The following ASB3 variants were observed in gnomAD, a reference collection of about 807,000 sequenced individuals.
ASB3 encodes the protein ankyrin repeat and SOCS box containing 3, also known as ankyrin repeat and SOCS box protein 3.
ASB3 carries 41 observed loss-of-function variants against 54.5 expected under a neutral mutation model. That is an observed-to-expected ratio of 0.75 (90% CI 0.59 to 0.98). The LOEUF (loss-of-function observed/expected upper bound fraction) is 0.98. ASB3 is among the 50% of genes least tolerant of loss of function. ASB3 has a pLI of 0.00. For missense variants in ASB3, 733 were observed against 620.0 expected (o/e 1.18, Z -1.94); for synonymous variants, 266 against 221.2 (o/e 1.20, Z -1.80).
chr2:53,737,711 C>T (rs1036694078), intron 3 of ASB3, among the ~76,000 whole-genome samples: 2 of 121,844 alleles, frequency 1.6e-5, no homozygotes, highest in Non-Finnish European at 3.3e-5. Context: ...TTGTCCAGGA[C>T]GTTTTAAAAA....
intron 2 of ASB3, among the ~76,000 whole-genome samples, chr2:53,763,950 A>G (rs887597571): frequency 7.2e-5 from 11 of 152,252 alleles, no homozygotes; most frequent in African/African-American, 2.7e-4. Flanking sequence ...TGATTTTAAA[A>G]ACAATCATGA....
Position 53,776,468 on chromosome 2 carries a change from C to T in ASB3, c.-14+10353G>A, listed in dbSNP as rs1021748821. Among the ~76,000 whole-genome samples the T allele has an allele frequency of 7.9e-5, 12 of 152,192 alleles. No individual in the cohort carries two copies. In the East Asian group the frequency reaches 2.1e-3, roughly 27 times the overall value. On this transcript the variant is annotated intron_variant, in intron 1 of 9. Coordinates refer to ENST00000263634, the MANE Select transcript of ASB3 (RefSeq NM_016115.5). ...TCAGCAAAAATACTGACTGTATTGT[C>T]TATTAATTTATTCAGCTTTTGGCAA...
At chr2:53,705,226 A>G (rs1669704694) in intron 7 of ASB3, among the ~76,000 whole-genome samples, 1 of 152,214 alleles carries the variant, frequency 6.6e-6, no homozygotes, top group African/African-American at 2.4e-5. Flanking sequence ...GCATTTTCCA[A>G]TGACTACTTA....
At chr2:53,735,998 T>TAAAAAAAAAAAAAAAAAAA (rs201138986) in intron 3 of ASB3, among the ~76,000 whole-genome samples, 3 of 96,236 alleles carry the variant, frequency 3.1e-5, no homozygotes, top group African/African-American at 3.6e-5. Context: ...ACAAACCTTC[T>TAAAAAAAAAAAAAAAAAAA]AAAAAAAAAA....
chr2:53,757,553 A>G (rs1672904394), intron 2 of ASB3, among the ~76,000 whole-genome samples: 1 of 152,304 alleles, frequency 6.6e-6, no homozygotes, highest in East Asian at 1.9e-4. Context: ...TTACTTCTGA[A>G]TCTACTTCCT....
intron 7 of ASB3, among the ~76,000 whole-genome samples, chr2:53,703,328 G>T (rs1669594241): frequency 6.6e-6 from 1 of 152,216 alleles, no homozygotes; most frequent in Admixed American, 6.5e-5. Context: ...TACAGTAGTG[G>T]AGGAGACACC....
At chr2:53,709,440 T>G (rs17520680) in intron 7 of ASB3, among the ~76,000 whole-genome samples, 16,565 of 152,214 alleles carry the variant, frequency 0.11, 1,093 homozygotes, top group Non-Finnish European at 0.15. Context: ...TTCTTTGCAT[T>G]GGTCTTGCCT....
chr2:53,737,496 A>G (rs1671706312), intron 3 of ASB3, among the ~76,000 whole-genome samples: 1 of 152,156 alleles, frequency 6.6e-6, no homozygotes, highest in Non-Finnish European at 1.5e-5. Context: ...CACATGTACA[A>G]GGTAAGGCAA....
At chr2:53,729,340 C>T (rs941658987) in intron 4 of ASB3, 118 bp downstream of exon 4, 3 of 921,460 alleles carry the variant, frequency 3.3e-6, no homozygotes, top group Non-Finnish European at 4.9e-6. Context: ...CTTTTCTGTA[C>T]TGCACTAACC....
intron 7 of ASB3, among the ~76,000 whole-genome samples, chr2:53,707,865 C>T (rs556408640): frequency 9.4e-5 from 14 of 148,938 alleles, no homozygotes; most frequent in Non-Finnish European, 1.8e-4. Context: ...AGGAGGCTGA[C>T]GCACGAGAAT....
At chr2:53,771,756 G>A (rs1673928247) in intron 1 of ASB3, 1 of 661,130 alleles carries the variant, frequency 1.5e-6, no homozygotes, top group African/African-American at 1.8e-5. Context: ...ATTCACTTAA[G>A]CTTTATCATA....
At chr2:53,686,139 C>T (rs1317707724) in intron 9 of ASB3, among the ~76,000 whole-genome samples, 1 of 152,206 alleles carries the variant, frequency 6.6e-6, no homozygotes, top group Non-Finnish European at 1.5e-5. Flanking sequence ...TGAAGTGCTA[C>T]TCTCTATAGC....
At chr2:53,711,025 G>C (rs1670066147) in intron 7 of ASB3, among the ~76,000 whole-genome samples, 1 of 152,084 alleles carries the variant, frequency 6.6e-6, no homozygotes, top group South Asian at 2.1e-4. Flanking sequence ...AGCTACTCAA[G>C]AGGCTGAGGC....
At chr2:53,763,913 A>G (rs1558567558) in intron 2 of ASB3, among the ~76,000 whole-genome samples, 1 of 152,242 alleles carries the variant, frequency 6.6e-6, no homozygotes, top group Non-Finnish European at 1.5e-5. Flanking sequence ...ACACTCAACT[A>G]TAATAGACAC....
At chr2:53,786,795 G>A (rs1054781744) in intron 1 of ASB3, 26 bp downstream of exon 1, 2 of 174,464 alleles carry the variant, frequency 1.1e-5, no homozygotes, top group Admixed American at 1.2e-4. Context: ...TTCAGGAAGC[G>A]GCTGCCGCCT....
At chr2:53,694,132 C>G (rs1297176805) in intron 8 of ASB3, 118 bp from the exon 9 acceptor site, 3 of 1,209,576 alleles carry the variant, frequency 2.5e-6, no homozygotes, top group African/African-American at 3.1e-5. Flanking sequence ...AGACAGAAAA[C>G]CAGGGCATGT....
At chr2:53,679,384 C>A (rs13417953) in intron 9 of ASB3, among the ~76,000 whole-genome samples, 5,586 of 152,204 alleles carry the variant, frequency 0.037, 323 homozygotes, top group African/African-American at 0.13. Context: ...AGACTTTACT[C>A]CCAACTTCAC....
chr2:53,710,346 C>G (rs1057305230), intron 7 of ASB3, among the ~76,000 whole-genome samples: 4 of 152,172 alleles, frequency 2.6e-5, no homozygotes, highest in Non-Finnish European at 5.9e-5. Flanking sequence ...ATTTTTCCGT[C>G]TTTTTTATAG....
intron 7 of ASB3, among the ~76,000 whole-genome samples, chr2:53,708,641 A>G (rs1189673677): frequency 6.6e-6 from 1 of 152,234 alleles, no homozygotes; most frequent in Non-Finnish European, 1.5e-5. Flanking sequence ...TTGTCACCAA[A>G]GTGCTGATAG....
Sources: allele counts gnomAD v4.1 joint callset (sites outside exome capture counted in the v4.1 genomes callset), GRCh38; gene constraint gnomAD v4.1.1; transcripts MANE v1.5; gene names NCBI Gene and HGNC (gene_info 2026-07-23, HGNC 2026-07-21).